Variants in ASPH observed in about 807,000 individuals in gnomAD.
ASPH encodes the protein aspartate beta-hydroxylase, also known as aspartyl/asparaginyl beta-hydroxylase.
ASPH carries 100 observed loss-of-function variants against 118.4 expected under a neutral mutation model. The observed-to-expected ratio is 0.84, with a 90% CI of 0.72 to 1.00. The LOEUF (loss-of-function observed/expected upper bound fraction) is 1.00. Among genes scored for constraint, ASPH ranks in the 50% least tolerant of loss-of-function variants. ASPH has a pLI of 0.00. For missense variants in ASPH, 920 were observed against 919.5 expected (o/e 1.00, Z -0.01); for synonymous variants, 315 against 325.6 (o/e 0.97, Z 0.35).
At chr8:61,535,029 CTT>C (rs939790999) in intron 21 of ASPH, among the ~76,000 whole-genome samples, 2 of 152,130 alleles carry the variant, frequency 1.3e-5, no homozygotes, top group Admixed American at 1.3e-4. Flanking sequence ...GGGTGTCTCT[CTT>C]TGTTTCCAAA....
rs79743584 is a variant in ASPH, at chr8:61,599,848, C to T, written c.977-15819G>A. On this transcript the variant is annotated intron_variant, in intron 14 of 24. Coordinates refer to ENST00000379454, the MANE Select transcript of ASPH (RefSeq NM_004318.4). ...TCACCAAACTTTTAAAGAACTAACA[C>T]CAATTCTCAAACTATTCCAAAAAAT... Among the ~76,000 whole-genome samples the T allele has an allele frequency of 3.1e-3, 472 of 152,206 alleles. 21 individuals are homozygous for T. The East Asian group carries it at 0.077, about 25-fold the overall frequency.
At chr8:61,702,633 A>C (rs1835541086) in intron 1 of ASPH, among the ~76,000 whole-genome samples, 1 of 152,226 alleles carries the variant, frequency 6.6e-6, no homozygotes, top group Non-Finnish European at 1.5e-5. Flanking sequence ...CAGAAAAAGA[A>C]GAAATCTTCC....
intron 17 of ASPH, among the ~76,000 whole-genome samples, chr8:61,564,654 G>C (rs547263102): frequency 6.6e-6 from 1 of 152,142 alleles, no homozygotes; most frequent in African/African-American, 2.4e-5. Context: ...CTGGAGTCCC[G>C]GCCCTGCCTT....
At chr8:61,547,654 T>C (rs1460231542) in intron 21 of ASPH, among the ~76,000 whole-genome samples, 1 of 152,138 alleles carries the variant, frequency 6.6e-6, no homozygotes, top group Admixed American at 6.5e-5. Flanking sequence ...TCTCACTACA[T>C]TTTCTGTTTT....
chr8:61,598,692 C>T (rs1055372517), intron 14 of ASPH, among the ~76,000 whole-genome samples: 21 of 152,336 alleles, frequency 1.4e-4, no homozygotes, highest in African/African-American at 5.1e-4. Context: ...GGAGTACACA[C>T]TCTTCTTCTT....
chr8:61,538,983 T>C (rs1231510312), intron 21 of ASPH, among the ~76,000 whole-genome samples: 1 of 152,210 alleles, frequency 6.6e-6, no homozygotes, highest in Non-Finnish European at 1.5e-5. Flanking sequence ...GGCTCATGCC[T>C]GTAATTCCAG....
At chr8:61,612,374 GT>G (rs34515068) in intron 14 of ASPH, among the ~76,000 whole-genome samples, 72,474 of 137,934 alleles carry the variant, frequency 0.53, 18,847 homozygotes, top group Non-Finnish European at 0.61. Context: ...AATGAACAAA[GT>G]TTTTTTTTTT....
At position 61,643,995 on chromosome 8, in the gene ASPH, T is replaced by C. The variant is rs754501113; in HGVS notation, c.659A>G (p.Gln220Arg). 3 of 1,608,344 alleles carry C rather than the reference T, an allele frequency of 1.9e-6. No homozygotes were observed. The highest frequency in any genetic ancestry group is 2.6e-6 in the Non-Finnish European group (3 of 1,175,566). ...HSYHVEETVS[Q>R]DCNQDMEEMM... Reference sequence around the variant, plus strand: ...CTCTTCCATATCCTGATTACAGTCTTGTGAAACTATAAATTATGGAATAAT... The same window carrying C: ...CTCTTCCATATCCTGATTACAGTCTCGTGAAACTATAAATTATGGAATAAT... The change falls in exon 8 of 25, where the codon CAA (glutamine) becomes CGA (arginine). Residue 220 changes from glutamine to arginine, a missense_variant. By Grantham distance (43) the Gln-to-Arg change is conservative. Coordinates refer to ENST00000379454, the MANE Select transcript of ASPH (RefSeq NM_004318.4).
At chr8:61,675,158 A>T in intron 3 of ASPH, 1 of 346,530 alleles carries the variant, frequency 2.9e-6, no homozygotes, top group Non-Finnish European at 4.1e-6. Context: ...AAATGGAATT[A>T]CCACTTCAAT....
intron 3 of ASPH, chr8:61,664,229 A>ATC: frequency 1.0e-6 from 1 of 968,074 alleles, no homozygotes; most frequent in Non-Finnish European, 1.2e-6. Flanking sequence ...CTAAATTCTG[A>ATC]TCTCTAGTGA....
chr8:61,599,184 A>C (rs1048935963), intron 14 of ASPH, among the ~76,000 whole-genome samples: 1 of 152,206 alleles, frequency 6.6e-6, no homozygotes, highest in Non-Finnish European at 1.5e-5. Context: ...AAAAAATTAC[A>C]AAAGTTCAAT....
chr8:61,680,374 A>AGTAATT lies in ASPH; in HGVS notation c.322+593_322+594insAATTAC, dbSNP rs1827446531. The AGTAATT allele has an allele frequency of 2.0e-5, 3 of 151,898 alleles. No homozygotes were observed. The East Asian group carries it at 5.8e-4, about 29-fold the overall frequency. The allele number at this position is 151,898 out of a possible 1,614,324, so 9.4% of individuals were successfully genotyped here. ...ACTTTAAAACAAATAAGGGAATACC[A>AGTAATT]CATTGTTATTTATTACAAGAAACAT... On this transcript the variant is annotated intron_variant, in intron 3 of 24. Coordinates refer to ENST00000379454, the MANE Select transcript of ASPH (RefSeq NM_004318.4).
chr8:61,585,194 C>T (rs1008038106), intron 14 of ASPH, among the ~76,000 whole-genome samples: 1 of 152,166 alleles, frequency 6.6e-6, no homozygotes, highest in South Asian at 2.1e-4. Flanking sequence ...AACAGGAGCC[C>T]TCCTCCCGAA....
intron 14 of ASPH, among the ~76,000 whole-genome samples, chr8:61,613,100 C>A (rs1338046907): frequency 6.6e-6 from 1 of 152,194 alleles, no homozygotes; most frequent in Non-Finnish European, 1.5e-5. Context: ...TTATATTTGT[C>A]TACTTGGCTA....
chr8:61,634,460 T>C (rs1021806716), intron 12 of ASPH, among the ~76,000 whole-genome samples: 5 of 152,212 alleles, frequency 3.3e-5, no homozygotes, highest in Admixed American at 2.0e-4. Flanking sequence ...AAAACACTTA[T>C]GGAGCTATTT....
intron 24 of ASPH, among the ~76,000 whole-genome samples, chr8:61,514,972 G>C (rs1810339405): frequency 6.7e-6 from 1 of 148,956 alleles, no homozygotes; most frequent in South Asian, 2.2e-4. Flanking sequence ...GGTGGACAGG[G>C]AGGGAAGGAG....
At chr8:61,526,507 G>C (rs1355474610) in intron 21 of ASPH, among the ~76,000 whole-genome samples, 1 of 152,090 alleles carries the variant, frequency 6.6e-6, no homozygotes, top group Non-Finnish European at 1.5e-5. Context: ...AGAAATCACA[G>C]ACGTAATTTC....
chr8:61,665,698 A>C lies in ASPH; in HGVS notation c.323-12038T>G, dbSNP rs199876777. 1,083 of 1,324,926 alleles carry C rather than the reference A, an allele frequency of 8.2e-4. 2 individuals are homozygous for C. Among genetic ancestry groups the C allele is most frequent in the Non-Finnish European group, 9.5e-4 (936 of 983,006 alleles). 82.1% of individuals were successfully genotyped at this position (1,324,926 alleles called of 1,614,324 possible). ...GTTAGTGAAAAGGTATTCTCTTTTT[A>C]TCTCTCCACACACAGGAAATGCACA... On this transcript the variant is annotated intron_variant, in intron 3 of 24. Coordinates refer to ENST00000379454, the MANE Select transcript of ASPH (RefSeq NM_004318.4).
rs1331766100 is a variant in ASPH at position 61,656,060 on chromosome 8, T to C, written c.323-2400A>G. On this transcript the variant is annotated intron_variant, in intron 3 of 24. Transcript: ENST00000379454. ...CCCAAGCTCATTTTAGTTCTAAAAT[T>C]TGAGGGAAAAAGCAAGCGAAAATGA... 3 of 152,168 alleles carry C rather than the reference T, an allele frequency of 2.0e-5. No homozygotes were observed. The East Asian group carries it at 5.8e-4, about 29-fold the overall frequency. 9.4% of individuals were successfully genotyped at this position (152,168 alleles called of 1,614,324 possible).
Sources: gnomAD v4.1 joint callset for allele counts (sites outside exome capture counted in the v4.1 genomes callset) on GRCh38, gnomAD v4.1.1 for gene constraint, MANE v1.5 for transcripts, NCBI Gene and HGNC (gene_info 2026-07-23, HGNC 2026-07-21) for gene names.